Variants in SLC24A2 observed in about 807,000 individuals in gnomAD.
SLC24A2 encodes the protein sodium/potassium/calcium exchanger 2.
Under a neutral mutation model 62.0 loss-of-function variants are expected in SLC24A2, and 36 were observed. The ratio of observed to expected loss-of-function variants is 0.58; its 90% CI spans 0.44 to 0.77. SLC24A2 has a LOEUF of 0.77. Among genes scored for constraint, SLC24A2 ranks in the 30% least tolerant of loss-of-function variants. The pLI, the probability that SLC24A2 is intolerant of heterozygous loss-of-function variation, is 0.00. For missense variants in SLC24A2, 846 were observed against 817.9 expected (o/e 1.03, Z -0.42); for synonymous variants, 358 against 294.0 (o/e 1.22, Z -2.23).
At chr9:19,830,576 T>G in the SLC24A2 span, among the ~76,000 whole-genome samples, 1 of 152,136 alleles carries the variant, frequency 6.6e-6, no homozygotes, top group Non-Finnish European at 1.5e-5. Flanking sequence ...CTGGTATATT[T>G]CAGGGTAGAA....
chr9:19,567,633 ATTAAT>A (rs1337340355), intron 7 of SLC24A2, among the ~76,000 whole-genome samples: 1 of 151,310 alleles, frequency 6.6e-6, no homozygotes, highest in East Asian at 1.9e-4. Flanking sequence ...TCATAATGTG[ATTAAT>A]TTATATACCA....
the SLC24A2 span, among the ~76,000 whole-genome samples, chr9:20,104,470 A>AGGTAACCCACAGAGAGAAAGGTC: frequency 2.0e-5 from 3 of 152,236 alleles, no homozygotes; most frequent in African/African-American, 7.2e-5. Flanking sequence ...TTACCCACAA[A>AGGTAACCCACAGAGAGAAAGGTC]GGGAAGCCCA....
Position 19,570,352 on chromosome 9 carries a change from A to G in SLC24A2, c.1347+2999T>C, listed in dbSNP as rs1835802259. 2.0e-5 allele frequency among the ~76,000 whole-genome samples: 3 copies of G among 152,188 alleles called. No homozygotes were observed. The South Asian group carries it at 6.2e-4, about 32-fold the overall frequency. On this transcript the variant is annotated intron_variant, in intron 7 of 10. Coordinates refer to ENST00000341998, the MANE Select transcript of SLC24A2 (RefSeq NM_020344.4). ...TTCTTTGAGGGACAAACTCCGACTCACCCATCAACACCCAGCTTGAATGTT... is the reference window on the plus strand; with the variant it reads ...TTCTTTGAGGGACAAACTCCGACTCGCCCATCAACACCCAGCTTGAATGTT...
the SLC24A2 span, chr9:19,929,350 TGCTGAATTTGTCTTAAATAG>T: frequency 6.6e-6 from 1 of 152,230 alleles, no homozygotes; most frequent in East Asian, 1.9e-4. Context: ...TAGTAGAGTC[TGCTGAATTTGTCTTAAATAG>T]GCTGACTACA....
the SLC24A2 span, among the ~76,000 whole-genome samples, chr9:19,851,017 A>G: frequency 1.8e-5 from 1 of 56,872 alleles, no homozygotes; most frequent in African/African-American, 6.6e-5. Context: ...ACATATATAT[A>G]TATATACATA....
At chr9:19,892,700 T>A in the SLC24A2 span, among the ~76,000 whole-genome samples, 12 of 127,456 alleles carry the variant, frequency 9.4e-5, no homozygotes, top group East Asian at 3.5e-3. Context: ...TCAACTGTTG[T>A]TTTTTTTTTC....
At chr9:19,921,343 A>G in the SLC24A2 span, among the ~76,000 whole-genome samples, 5 of 151,576 alleles carry the variant, frequency 3.3e-5, no homozygotes, top group Non-Finnish European at 5.9e-5. Context: ...CTAGCATGGT[A>G]AAACCCCGTC....
the SLC24A2 span, among the ~76,000 whole-genome samples, chr9:20,046,683 C>A: frequency 0.18 from 27,868 of 152,094 alleles, 2,645 homozygotes; most frequent in African/African-American, 0.25. Context: ...CAGTTTGCAA[C>A]CTAAGAAGCA....
the SLC24A2 span, among the ~76,000 whole-genome samples, chr9:20,245,933 A>C: frequency 6.6e-6 from 1 of 152,162 alleles, no homozygotes; most frequent in African/African-American, 2.4e-5. Flanking sequence ...AGGCAAGGAG[A>C]AATTTAGTGA....
chr9:19,515,883 G>A lies in SLC24A2; in HGVS notation c.*270C>T, dbSNP rs1332562076. 6.5e-6 allele frequency: 3 copies of A among 458,708 alleles called. No individual in the cohort carries two copies. The highest frequency in any genetic ancestry group is 4.0e-6 in the Non-Finnish European group (1 of 248,000). 28.4% of individuals were successfully genotyped at this position (458,708 alleles called of 1,614,324 possible). A position where few individuals can be genotyped will look rare whatever the true frequency, so the allele number is the denominator to read the frequency against. ...TGCATCGACTGTACCTCCGACCAGC[G>A]AGGTGTACTTGTCAGTGGTGAATAG... On this transcript the variant is annotated 3_prime_UTR_variant, in exon 11 of 11. Coordinates refer to ENST00000341998, the MANE Select transcript of SLC24A2 (RefSeq NM_020344.4).
intron 8 of SLC24A2, among the ~76,000 whole-genome samples, chr9:19,547,340 G>A (rs554441420): frequency 2.6e-4 from 39 of 152,334 alleles, no homozygotes; most frequent in African/African-American, 9.1e-4. Context: ...GGCTCTCAGA[G>A]GGGGACTGCA....
the SLC24A2 span, among the ~76,000 whole-genome samples, chr9:20,233,957 A>T: frequency 6.6e-6 from 1 of 152,164 alleles, no homozygotes; most frequent in East Asian, 1.9e-4. Context: ...GCTTGTCTGT[A>T]AAGTATTTTA....
At chr9:19,639,556 G>A (rs1283831188) in intron 2 of SLC24A2, among the ~76,000 whole-genome samples, 1 of 152,240 alleles carries the variant, frequency 6.6e-6, no homozygotes, top group Non-Finnish European at 1.5e-5. Flanking sequence ...CAACTAAACA[G>A]GGAGGCAGAT....
chr9:19,694,320 G>C (rs1820124888), intron 2 of SLC24A2, among the ~76,000 whole-genome samples: 1 of 152,018 alleles, frequency 6.6e-6, no homozygotes, highest in Non-Finnish European at 1.5e-5. Context: ...CTAAATCAAG[G>C]TTATTACAGA....
the SLC24A2 span, among the ~76,000 whole-genome samples, chr9:20,227,403 A>C: frequency 6.6e-6 from 1 of 152,064 alleles, no homozygotes; most frequent in Non-Finnish European, 1.5e-5. Context: ...TTTAATACCC[A>C]ACTGGCCTCA....
chr9:19,551,722 G>C (rs1053048735), intron 7 of SLC24A2, among the ~76,000 whole-genome samples: 6 of 152,138 alleles, frequency 3.9e-5, no homozygotes, highest in Non-Finnish European at 5.9e-5. Flanking sequence ...TGAGGGGCAG[G>C]CTCAGGTCAG....
At chr9:20,099,249 A>C in the SLC24A2 span, among the ~76,000 whole-genome samples, 1 of 152,212 alleles carries the variant, frequency 6.6e-6, no homozygotes, top group African/African-American at 2.4e-5. Context: ...TTCTATCCAG[A>C]GATAGGAGAA....
At chr9:19,609,102 T>A (rs942331733) in intron 4 of SLC24A2, among the ~76,000 whole-genome samples, 2 of 152,246 alleles carry the variant, frequency 1.3e-5, no homozygotes, top group African/African-American at 4.8e-5. Flanking sequence ...TGGCAAGCCT[T>A]GCTTGCCTGC....
At chr9:19,667,912 C>T (rs1819303130) in intron 2 of SLC24A2, among the ~76,000 whole-genome samples, 1 of 152,218 alleles carries the variant, frequency 6.6e-6, no homozygotes, top group South Asian at 2.1e-4. Context: ...CTTCCTCTAG[C>T]AAGACTTCTG....
Sources: allele counts gnomAD v4.1 joint callset (sites outside exome capture counted in the v4.1 genomes callset), GRCh38; gene constraint gnomAD v4.1.1; transcripts MANE v1.5; gene names NCBI Gene and HGNC (gene_info 2026-07-23, HGNC 2026-07-21).